Variants in ZFHX4 observed in about 807,000 individuals in gnomAD.
ZFHX4 encodes zinc finger homeobox protein 4.
A neutral mutation model predicts 267.6 loss-of-function variants in ZFHX4; 56 were observed. The ratio of observed to expected loss-of-function variants is 0.21; its 90% CI spans 0.17 to 0.26. The LOEUF is 0.26. Ranked by LOEUF, ZFHX4 falls within the 10% of genes least tolerant of loss-of-function variation. The pLI is 1.00. For missense variants in ZFHX4, 4,332 were observed against 4,420.0 expected (o/e 0.98, Z 0.56); for synonymous variants, 1,778 against 1,665.6 (o/e 1.07, Z -1.64).
intron 4 of ZFHX4, among the ~76,000 whole-genome samples, chr8:76,784,964 C>T (rs1585942131): frequency 6.6e-6 from 1 of 151,900 alleles, no homozygotes; most frequent in South Asian, 2.1e-4. Flanking sequence ...ATACACAATC[C>T]ACAGCTAATA....
intron 4 of ZFHX4, among the ~76,000 whole-genome samples, chr8:76,808,689 G>A (rs1385620772): frequency 3.9e-5 from 6 of 152,056 alleles, no homozygotes; most frequent in Admixed American, 1.3e-4. Flanking sequence ...CTTTCTACAC[G>A]AATTGTTAGC....
chr8:76,751,085 C>G (rs1809602723), intron 3 of ZFHX4, among the ~76,000 whole-genome samples: 1 of 152,056 alleles, frequency 6.6e-6, no homozygotes. Context: ...TTTCTTGCAT[C>G]CTCTATGAAA....
chr8:76,768,736 T>C (rs1810175441), intron 3 of ZFHX4, among the ~76,000 whole-genome samples: 1 of 152,004 alleles, frequency 6.6e-6, no homozygotes, highest in Non-Finnish European at 1.5e-5. Flanking sequence ...AGACATGCAG[T>C]ATAGGTTTGG....
intron 1 of ZFHX4, among the ~76,000 whole-genome samples, chr8:76,692,529 C>T (rs889541737): frequency 2.0e-5 from 3 of 152,048 alleles, no homozygotes; most frequent in Admixed American, 6.6e-5. Context: ...TTACAGCCAA[C>T]TTATGGGTCT....
chr8:76,691,633 A>G (rs575443796), intron 1 of ZFHX4, among the ~76,000 whole-genome samples: 2 of 152,256 alleles, frequency 1.3e-5, no homozygotes, highest in South Asian at 4.1e-4. Flanking sequence ...CTTAATAGGA[A>G]TCTTATTCAA....
chr8:76,785,978 C>T (rs188684023), intron 4 of ZFHX4, among the ~76,000 whole-genome samples: 2 of 152,144 alleles, frequency 1.3e-5, no homozygotes, highest in East Asian at 1.9e-4. Flanking sequence ...ATTTGTTTCC[C>T]CTTGATTTCC....
Position 76,744,143 on chromosome 8 carries a change from C to T in ZFHX4, c.3094-34065C>T, listed in dbSNP as rs185849087. On this transcript the variant is annotated intron_variant, in intron 3 of 10. Coordinates refer to ENST00000651372, the MANE Select transcript of ZFHX4 (RefSeq NM_024721.5). ...GGTGGATCACCTGAGGTTAGGAGTT[C>T]GAGACCAGCCTGACCAATATGGCGA... Among the ~76,000 whole-genome samples, 630 of 151,966 alleles carry T rather than the reference C, an allele frequency of 4.1e-3. 3 individuals carry two copies. Among genetic ancestry groups the T allele is most frequent in the Admixed American group, 0.011 (169 of 15,262 alleles).
chr8:76,712,848 G>T (rs1808461736), intron 3 of ZFHX4, among the ~76,000 whole-genome samples: 1 of 151,600 alleles, frequency 6.6e-6, no homozygotes, highest in Non-Finnish European at 1.5e-5. Flanking sequence ...TGCAGGATTT[G>T]TTTTAAAAAA....
At chr8:76,815,364 C>A (rs937167970) in intron 4 of ZFHX4, among the ~76,000 whole-genome samples, 1 of 152,148 alleles carries the variant, frequency 6.6e-6, no homozygotes, top group Admixed American at 6.5e-5. Context: ...TATAGTTCTG[C>A]AGGCTGGGAA....
chr8:76,797,270 A>G (rs752047967), intron 4 of ZFHX4, among the ~76,000 whole-genome samples: 5 of 152,234 alleles, frequency 3.3e-5, no homozygotes, highest in Non-Finnish European at 7.3e-5. Flanking sequence ...AGACAGTGTT[A>G]TGATTTCTTC....
chr8:76,867,241 T>C lies in ZFHX4; in HGVS notation c.*2676T>C, dbSNP rs1054291554. The C allele has an allele frequency of 1.3e-5, 2 of 152,640 alleles. No homozygotes were observed. Among genetic ancestry groups the C allele is most frequent in the African/African-American group, 4.8e-5 (2 of 41,468 alleles). The allele number at this position is 152,640 out of a possible 1,614,324, so 9.5% of individuals were successfully genotyped here. ...TTCTGGAAATAGTTCATCAAGTATG[T>C]TTGTTGCTCATTGTGATACATTAAA... On this transcript the variant is annotated 3_prime_UTR_variant, in exon 11 of 11. Transcript: ENST00000651372.
intron 3 of ZFHX4, among the ~76,000 whole-genome samples, chr8:76,762,651 A>G (rs1809946643): frequency 6.6e-6 from 1 of 152,184 alleles, no homozygotes; most frequent in Non-Finnish European, 1.5e-5. Flanking sequence ...GTTCAAATAA[A>G]TATACACAGA....
In ZFHX4 at chr8:76,850,228, C is replaced by G; in HGVS notation, c.3847-17C>G. The G allele has an allele frequency of 6.3e-7, 1 of 1,581,736 alleles. No individual in the cohort carries two copies. The highest frequency in any genetic ancestry group is 8.7e-7 in the Non-Finnish European group (1 of 1,155,474). ...TTTCTGGGGTACATTTAACATAAAC[C>G]CCTTTGGTTTCCAAAGGTGCCTGTC... On this transcript the variant is annotated splice_polypyrimidine_tract_variant and intron_variant, in intron 8 of 10. Transcript: ENST00000651372.
Position 76,704,273 on chromosome 8 carries a change from T to A in ZFHX4, c.185T>A (p.Leu62Gln). 6.2e-7 allele frequency: 1 copy of A among 1,614,018 alleles called. No homozygotes were observed. The highest frequency in any genetic ancestry group is 8.5e-7 in the Non-Finnish European group (1 of 1,179,890). ...KTDERKSEAL[L>Q]GFSVENAAAT... ...GATGAGCGCAAAAGTGAAGCCTTGC[T>A]GGGTTTCAGCGTTGAGAATGCAGCT... Residue 62 changes from leucine (L) to glutamine (Q), a missense_variant, in exon 2 of 11, where the codon CTG becomes CAG. Physicochemically the swap from Leu to Gln is moderately radical, Grantham distance 113. Transcript: ENST00000651372.
chr8:76,819,855 C>T (rs890225315), intron 4 of ZFHX4, among the ~76,000 whole-genome samples: 1 of 152,178 alleles, frequency 6.6e-6, no homozygotes, highest in African/African-American at 2.4e-5. Context: ...ATTTTCAACC[C>T]TTGCAAGCAA....
chr8:76,800,961 T>C (rs904950090), intron 4 of ZFHX4, among the ~76,000 whole-genome samples: 1 of 152,172 alleles, frequency 6.6e-6, no homozygotes, highest in Admixed American at 6.6e-5. Context: ...GGCTATGAGA[T>C]TAAAGCTCAG....
intron 3 of ZFHX4, among the ~76,000 whole-genome samples, chr8:76,745,118 C>A (rs1809425502): frequency 6.6e-6 from 1 of 152,128 alleles, no homozygotes; most frequent in East Asian, 1.9e-4. Context: ...AACATACTTT[C>A]ATCCTATAAA....
intron 3 of ZFHX4, among the ~76,000 whole-genome samples, chr8:76,716,201 A>G (rs1808567643): frequency 6.6e-6 from 1 of 152,158 alleles, no homozygotes; most frequent in Non-Finnish European, 1.5e-5. Flanking sequence ...GCAATTTACT[A>G]TCTATATAAA....
chr8:76,733,056 C>G (rs1382790852), intron 3 of ZFHX4, among the ~76,000 whole-genome samples: 1 of 152,096 alleles, frequency 6.6e-6, no homozygotes, highest in East Asian at 1.9e-4. Flanking sequence ...GTGTCTAGCT[C>G]ATGAAATAAT....
Sources: allele counts gnomAD v4.1 joint callset (sites outside exome capture counted in the v4.1 genomes callset), GRCh38; gene constraint gnomAD v4.1.1; transcripts MANE v1.5; gene names NCBI Gene and HGNC (gene_info 2026-07-23, HGNC 2026-07-21).